Variants in CCDC85A observed in about 807,000 individuals in gnomAD.
CCDC85A encodes coiled-coil domain containing 85A.
Under a neutral mutation model 50.2 loss-of-function variants are expected in CCDC85A, and 38 were observed. That is an observed-to-expected ratio of 0.76 (90% CI 0.58 to 0.99). The LOEUF (loss-of-function observed/expected upper bound fraction) is 0.99. Among genes scored for constraint, CCDC85A ranks in the 50% least tolerant of loss-of-function variants. CCDC85A has a pLI of 0.00. For synonymous variants in CCDC85A, 366 were observed against 301.4 expected (o/e 1.21, Z -2.22); for missense variants, 820 against 742.0 (o/e 1.11, Z -1.22).
chr2:56,269,565 C>G lies in CCDC85A; in HGVS notation c.1241-73314C>G, dbSNP rs533620885. On this transcript the variant is annotated intron_variant, in intron 2 of 5. Transcript: ENST00000407595. Reference sequence around the variant, plus strand: ...TACAGTAAATTTGTCTTTGCTAACACGTATTGAGGATTCATCAAATTCTCC... The same window carrying G: ...TACAGTAAATTTGTCTTTGCTAACAGGTATTGAGGATTCATCAAATTCTCC... 2.0e-5 allele frequency among the ~76,000 whole-genome samples: 3 copies of G among 152,220 alleles called. No individual in the cohort carries two copies. The South Asian group carries it at 6.2e-4, about 32-fold the overall frequency.
At chr2:56,214,083 A>G (rs1677294604) in intron 2 of CCDC85A, among the ~76,000 whole-genome samples, 1 of 151,842 alleles carries the variant, frequency 6.6e-6, no homozygotes, top group African/African-American at 2.4e-5. Context: ...GACTACACGG[A>G]TAAGTACAGC....
rs376599633 is a variant in CCDC85A, at chr2:56,299,388, T to A, written c.1241-43491T>A. 1.2e-4 allele frequency among the ~76,000 whole-genome samples: 19 copies of A among 152,324 alleles called. No homozygotes were observed. The South Asian group carries it at 1.9e-3, about 15-fold the overall frequency. ...GCCCCCTGCTGATTTCTTCCTTGATTAGTCTTTTCTAATGTTCTTGCCTGG... is the reference window on the plus strand; with the variant it reads ...GCCCCCTGCTGATTTCTTCCTTGATAAGTCTTTTCTAATGTTCTTGCCTGG... On this transcript the variant is annotated intron_variant, in intron 2 of 5. Transcript: ENST00000407595.
intron 2 of CCDC85A, among the ~76,000 whole-genome samples, chr2:56,320,652 C>A (rs1472886661): frequency 6.6e-6 from 1 of 152,152 alleles, no homozygotes; most frequent in East Asian, 1.9e-4. Context: ...TAATTAATAG[C>A]CTACCAACCA....
chr2:56,294,889 C>T (rs1671879421), intron 2 of CCDC85A, among the ~76,000 whole-genome samples: 1 of 152,054 alleles, frequency 6.6e-6, no homozygotes, highest in South Asian at 2.1e-4. Flanking sequence ...TAGCTAGCTC[C>T]CTGAAATACC....
At chr2:56,338,817 G>A (rs1674212781) in intron 2 of CCDC85A, among the ~76,000 whole-genome samples, 1 of 151,830 alleles carries the variant, frequency 6.6e-6, no homozygotes, top group African/African-American at 2.4e-5. Flanking sequence ...TGGGGACCCA[G>A]TGCTGATCTC....
intron 2 of CCDC85A, among the ~76,000 whole-genome samples, chr2:56,244,003 C>CTCTT (rs1450122355): frequency 3.3e-5 from 5 of 152,184 alleles, no homozygotes; most frequent in Non-Finnish European, 7.3e-5. Context: ...GAGTCTCTCT[C>CTCTT]TCTTTCTTTC....
At position 56,192,252 on chromosome 2, in the gene CCDC85A, A is replaced by G. The variant is rs760862330; in HGVS notation, c.277-225A>G. Among the ~76,000 whole-genome samples, 1 of 151,620 alleles carries G rather than the reference A, an allele frequency of 6.6e-6. No homozygotes were observed. The highest frequency in any genetic ancestry group is 1.5e-5 in the Non-Finnish European group (1 of 67,858). On this transcript the variant is annotated intron_variant, in intron 1 of 5. Coordinates refer to ENST00000407595, the MANE Select transcript of CCDC85A (RefSeq NM_001080433.2). This position sits in a 1 kb window ranked among gnomAD's most constrained non-coding sequence, Gnocchi z 4.7. ...TCCCCTAAATGTTTGGGTAAAAATT[A>G]GATGACATAATGCAAGTAAAGTATT... is the stretch of plus-strand genomic sequence containing the variant.
At chr2:56,255,213 T>C (rs1669930969) in intron 2 of CCDC85A, among the ~76,000 whole-genome samples, 1 of 152,214 alleles carries the variant, frequency 6.6e-6, no homozygotes, top group African/African-American at 2.4e-5. Context: ...TGGTATAGTT[T>C]TCTGTAAGAG....
intron 2 of CCDC85A, among the ~76,000 whole-genome samples, chr2:56,236,506 C>T (rs926003427): frequency 1.3e-5 from 2 of 152,158 alleles, no homozygotes; most frequent in African/African-American, 4.8e-5. Flanking sequence ...ATTTGCTGCA[C>T]AGGGAAGAGG....
chr2:56,376,050 T>C (rs558539734), intron 5 of CCDC85A, 115 bp downstream of exon 5: 17 of 1,093,204 alleles, frequency 1.6e-5, no homozygotes, highest in Non-Finnish European at 8.7e-6. Flanking sequence ...ATTTTTTGAC[T>C]CCTTATGGTG....
chr2:56,324,997 A>T (rs1673394969), intron 2 of CCDC85A, among the ~76,000 whole-genome samples: 1 of 152,100 alleles, frequency 6.6e-6, no homozygotes, highest in African/African-American at 2.4e-5. Context: ...CCATGCACTG[A>T]AAAGAGATAA....
intron 2 of CCDC85A, among the ~76,000 whole-genome samples, chr2:56,230,032 G>A (rs1010251402): frequency 4.6e-5 from 7 of 152,178 alleles, no homozygotes; most frequent in African/African-American, 1.7e-4. Context: ...GTAAAATTAT[G>A]CTTGAGTAAG....
intron 2 of CCDC85A, among the ~76,000 whole-genome samples, chr2:56,274,286 G>T (rs1558617684): frequency 6.6e-6 from 1 of 152,174 alleles, no homozygotes. Context: ...GTATATATGT[G>T]TGTATGTAAG....
At chr2:56,272,031 G>T (rs541041963) in intron 2 of CCDC85A, among the ~76,000 whole-genome samples, 1 of 152,272 alleles carries the variant, frequency 6.6e-6, no homozygotes, top group South Asian at 2.1e-4. Flanking sequence ...AAATATGTTT[G>T]CTCAGCTCTG....
At chr2:56,291,421 G>A (rs1054333559) in intron 2 of CCDC85A, among the ~76,000 whole-genome samples, 2 of 152,190 alleles carry the variant, frequency 1.3e-5, no homozygotes, top group African/African-American at 4.8e-5. Context: ...AAGAGCTGGT[G>A]GTAAGTGCTG....
At position 56,375,814 on chromosome 2, in the gene CCDC85A, AG is replaced by A. The variant is rs1437251783; in HGVS notation, c.1454del. On this transcript the variant is annotated splice_acceptor_variant, in intron 4 of 5. Coordinates refer to ENST00000407595, the MANE Select transcript of CCDC85A (RefSeq NM_001080433.2). LOFTEE classifies it high-confidence loss of function. ...TAACAAAGTTGTTGATTTTCTACTAAGGGTTCTTTTAGGTTGTCATCAGGGG... is the reference window on the plus strand; with the variant it reads ...TAACAAAGTTGTTGATTTTCTACTAAGGTTCTTTTAGGTTGTCATCAGGGG... The A allele has an allele frequency of 1.9e-6, 3 of 1,613,226 alleles. No homozygotes were observed. The highest frequency in any genetic ancestry group is 2.5e-6 in the Non-Finnish European group (3 of 1,179,642).
chr2:56,342,988 G>A, intron 3 of CCDC85A, 33 bp downstream of exon 3: 1 of 1,416,482 alleles, frequency 7.1e-7, no homozygotes, highest in South Asian at 1.2e-5. Flanking sequence ...TAGCTAGTCA[G>A]TGCCATTTAA....
rs1175654689 is a variant in CCDC85A, at chr2:56,342,955, G to T, written c.1317G>T (p.Gln439His). 1 of 1,587,702 alleles carries T rather than the reference G, an allele frequency of 6.3e-7. No homozygotes were observed. Among genetic ancestry groups the T allele is most frequent in the Non-Finnish European group, 8.6e-7 (1 of 1,165,630 alleles). ...AGGAAGAAAATCGCATGCTGCCCCAGGTGGGTGACTTCCAGAAGCTCATAG... is the reference window on the plus strand; with the variant it reads ...AGGAAGAAAATCGCATGCTGCCCCATGTGGGTGACTTCCAGAAGCTCATAG... ...QLEEENRMLP[Q>H]ASQNRRQPPT... is the part of the protein sequence containing the mutation. Residue 439 changes from glutamine to histidine, a missense_variant and splice_region_variant, in exon 3 of 6, where the codon CAG becomes CAT. Transcript: ENST00000407595.
chr2:56,191,335 C>A (rs1676287115), intron 1 of CCDC85A, among the ~76,000 whole-genome samples: 1 of 152,148 alleles, frequency 6.6e-6, no homozygotes, highest in African/African-American at 2.4e-5. Context: ...TTGCTGTGTC[C>A]ACTGATATAT....
Sources: gnomAD v4.1 joint callset for allele counts (sites outside exome capture counted in the v4.1 genomes callset) on GRCh38, gnomAD v4.1.1 for gene constraint, Gnocchi (gnomAD v3.1) non-coding constraint, MANE v1.5 for transcripts, NCBI Gene and HGNC (gene_info 2026-07-23, HGNC 2026-07-21) for gene names.